Variants in XRN1 observed in about 807,000 individuals in gnomAD.
XRN1 encodes 5'-3' exoribonuclease 1.
XRN1 carries 67 observed loss-of-function variants against 222.3 expected under a neutral mutation model. The ratio of observed to expected loss-of-function variants is 0.30; its 90% CI spans 0.25 to 0.37. The LOEUF (loss-of-function observed/expected upper bound fraction) is 0.37. XRN1 is among the 10% of genes least tolerant of loss of function. XRN1 has a pLI of 1.00. For synonymous variants in XRN1, 643 were observed against 652.4 expected (o/e 0.99, Z 0.22); for missense variants, 1,707 against 2,000.2 (o/e 0.85, Z 2.80).
intron 12 of XRN1, among the ~76,000 whole-genome samples, chr3:142,417,618 G>C (rs942395162): frequency 1.3e-5 from 2 of 152,192 alleles, no homozygotes; most frequent in African/African-American, 4.8e-5. Context: ...TCTGAGAGAA[G>C]CAAAGCAGCA....
intron 29 of XRN1, among the ~76,000 whole-genome samples, chr3:142,362,268 G>C (rs2066662604): frequency 6.6e-6 from 1 of 152,062 alleles, no homozygotes; most frequent in African/African-American, 2.4e-5. Flanking sequence ...CTCCCAAGTA[G>C]CTGGGATTAC....
At chr3:142,394,470 T>C (rs2067853920) in intron 20 of XRN1, among the ~76,000 whole-genome samples, 1 of 152,186 alleles carries the variant, frequency 6.6e-6, no homozygotes, top group South Asian at 2.1e-4. Flanking sequence ...TGAATAACTA[T>C]TTTCAAACCT....
Position 142,375,019 on chromosome 3 carries a change from C to T in XRN1, c.2978+779G>A, listed in dbSNP as rs151075818. 2.0e-4 allele frequency among the ~76,000 whole-genome samples: 31 copies of T among 152,304 alleles called. No homozygotes were observed. The East Asian group carries it at 5.8e-3, about 28-fold the overall frequency. On this transcript the variant is annotated intron_variant, in intron 25 of 40. Transcript: ENST00000392981. ...ACGGAGGATTGCAGGGATGCATTTA[C>T]AAGCCAAAGAACATATAAGGCTATG...
intron 22 of XRN1, among the ~76,000 whole-genome samples, chr3:142,380,448 T>A (rs1330831569): frequency 2.0e-5 from 3 of 152,102 alleles, no homozygotes; most frequent in African/African-American, 7.2e-5. Flanking sequence ...TTTTTTCTTG[T>A]TTTCTTTTTG....
intron 31 of XRN1, among the ~76,000 whole-genome samples, chr3:142,355,911 C>G (rs1167770571): frequency 6.6e-6 from 1 of 152,140 alleles, no homozygotes; most frequent in Non-Finnish European, 1.5e-5. Context: ...GCTACCACGT[C>G]CACCCCTAAA....
chr3:142,405,516 C>A (rs1225868086), intron 15 of XRN1, among the ~76,000 whole-genome samples: 1 of 151,824 alleles, frequency 6.6e-6, no homozygotes, highest in African/African-American at 2.4e-5. Flanking sequence ...TTTAAAATAT[C>A]TTTTTTTTAA....
chr3:142,363,591 CTCTA>C (rs1259039505), intron 29 of XRN1, among the ~76,000 whole-genome samples: 1 of 150,954 alleles, frequency 6.6e-6, no homozygotes. Context: ...GTAAAGTTTA[CTCTA>C]GCTTTGTAAA....
At chr3:142,376,110 A>G in intron 24 of XRN1, 166 bp from the exon 25 acceptor site, 1 of 1,253,234 alleles carries the variant, frequency 8.0e-7, no homozygotes, top group Non-Finnish European at 1.0e-6. Context: ...TTTCCAAAGT[A>G]GCAGTAATTG....
intron 33 of XRN1, among the ~76,000 whole-genome samples, chr3:142,338,520 G>C (rs971745399): frequency 2.0e-5 from 3 of 152,182 alleles, no homozygotes; most frequent in Admixed American, 2.0e-4. Flanking sequence ...AAGAGACCCA[G>C]CACATGCCCA....
intron 1 of XRN1, among the ~76,000 whole-genome samples, chr3:142,438,784 G>C (rs1425537933): frequency 6.6e-6 from 1 of 152,138 alleles, no homozygotes; most frequent in East Asian, 1.9e-4. Context: ...GTAGAAAGGA[G>C]GGCAAATGGA....
At chr3:142,438,233 T>C (rs1243317181) in intron 1 of XRN1, among the ~76,000 whole-genome samples, 1 of 152,088 alleles carries the variant, frequency 6.6e-6, no homozygotes, top group African/African-American at 2.4e-5. Flanking sequence ...GACTGCTACA[T>C]TGGGGAGCGT....
chr3:142,359,346 G>GT lies in XRN1; in HGVS notation c.3464+515dup, dbSNP rs568244934. Among the ~76,000 whole-genome samples, 81 of 152,020 alleles carry GT rather than the reference G, an allele frequency of 5.3e-4. 1 individual carries two copies. In the South Asian group the frequency reaches 0.011, roughly 21 times the overall value. On this transcript the variant is annotated intron_variant, in intron 30 of 40. Transcript: ENST00000392981. ...ACTTGTCAAATCATGCCAATCTGTC[G>GT]TGAGTACCTACAACTCCACTAAAAT... is the stretch of plus-strand genomic sequence containing the variant.
Position 142,414,685 on chromosome 3 carries a change from C to T in XRN1, c.1437-394G>A, listed in dbSNP as rs187955110. 5.3e-4 allele frequency among the ~76,000 whole-genome samples: 80 copies of T among 152,030 alleles called. No individual in the cohort carries two copies. The East Asian group carries it at 0.013, about 24-fold the overall frequency. ...TAATTTTTTGTATTTTTAGTAGAGA[C>T]GGGGTTTCACCTTGTTAGCCAGGAT... is the stretch of plus-strand genomic sequence containing the variant. On this transcript the variant is annotated intron_variant, in intron 13 of 40. Transcript: ENST00000392981.
At position 142,423,550 on chromosome 3, in the gene XRN1, T is replaced by A. The variant is rs1476314684; in HGVS notation, c.710+10A>T. 1.1e-5 allele frequency: 17 copies of A among 1,593,360 alleles called. No individual in the cohort carries two copies. The highest frequency in any genetic ancestry group is 1.7e-4 in the Middle Eastern group (1 of 6,006). ...TTTCTTTCTTCCAACATATATGCTA[T>A]ATAATTTACCGTTGTGTTTTTTTGC... is the stretch of plus-strand genomic sequence containing the variant. On this transcript the variant is annotated intron_variant, in intron 6 of 40. Coordinates refer to ENST00000392981, the MANE Select transcript of XRN1 (RefSeq NM_001282857.2).
At chr3:142,377,677 TC>T (rs1311387489) in intron 23 of XRN1, among the ~76,000 whole-genome samples, 2 of 151,980 alleles carry the variant, frequency 1.3e-5, no homozygotes, top group Non-Finnish European at 2.9e-5. Context: ...ATCACAAACA[TC>T]CTAGAAAATA....
intron 29 of XRN1, among the ~76,000 whole-genome samples, chr3:142,363,239 A>ATT (rs971814104): frequency 1.4e-5 from 2 of 143,272 alleles, no homozygotes; most frequent in African/African-American, 2.6e-5. Flanking sequence ...GGAGTTGTGG[A>ATT]TTTTTTTTTT....
At chr3:142,346,416 T>C (rs754841868) in intron 33 of XRN1, among the ~76,000 whole-genome samples, 20 of 152,136 alleles carry the variant, frequency 1.3e-4, no homozygotes, top group Non-Finnish European at 2.5e-4. Flanking sequence ...ATAGTTGTCA[T>C]ACTGTATTGT....
At chr3:142,324,342 T>G (rs1390808838) in intron 37 of XRN1, among the ~76,000 whole-genome samples, 2 of 149,414 alleles carry the variant, frequency 1.3e-5, no homozygotes, top group African/African-American at 2.5e-5. Flanking sequence ...GAGAACATGT[T>G]GTGTTTGGTT....
At chr3:142,355,309 G>T (rs1559810279) in intron 32 of XRN1, 92 bp downstream of exon 32, 2 of 609,910 alleles carry the variant, frequency 3.3e-6, no homozygotes, top group Non-Finnish European at 5.0e-6. Context: ...TTTATGAGAT[G>T]TCACAGAAAA....
Sources: allele counts gnomAD v4.1 joint callset (sites outside exome capture counted in the v4.1 genomes callset), GRCh38; gene constraint gnomAD v4.1.1; transcripts MANE v1.5; gene names NCBI Gene and HGNC (gene_info 2026-07-23, HGNC 2026-07-21).